Variants in PREP observed in about 807,000 individuals in gnomAD.
PREP encodes dJ355L5.1 (prolyl endopeptidase).
PREP carries 29 observed loss-of-function variants against 87.6 expected under a neutral mutation model. That is an observed-to-expected ratio of 0.33 (90% CI 0.25 to 0.45). The LOEUF (loss-of-function observed/expected upper bound fraction) is 0.45. Among genes scored for constraint, PREP ranks in the 20% least tolerant of loss-of-function variants. PREP has a pLI of 1.00. For synonymous variants in PREP, 337 were observed against 328.6 expected (o/e 1.03, Z -0.28); for missense variants, 695 against 886.5 (o/e 0.78, Z 2.74).
At chr6:105,318,459 C>T (rs532830824) in intron 10 of PREP, among the ~76,000 whole-genome samples, 2 of 152,274 alleles carry the variant, frequency 1.3e-5, no homozygotes, top group South Asian at 4.1e-4. Flanking sequence ...TAACTTACTT[C>T]TCTATTATAA....
In PREP at chr6:105,343,760, G is replaced by A. The variant is rs553686162; in HGVS notation, c.823+9212C>T. 2.4e-3 allele frequency among the ~76,000 whole-genome samples: 367 copies of A among 152,194 alleles called. 4 individuals carry two copies. The highest frequency in any genetic ancestry group is 8.2e-3 in the African/African-American group (340 of 41,512). On this transcript the variant is annotated intron_variant, in intron 7 of 14. Transcript: ENST00000652536. ...GAAGACATTTATGCAGCCAAAAGAC[G>A]CATGAAAAAATGCTCATCATCACTG...
rs1057292014 is a variant in PREP at position 105,276,217 on chromosome 6, A to T, written c.*1927T>A. 4.6e-5 allele frequency among the ~76,000 whole-genome samples: 7 copies of T among 152,230 alleles called. No homozygotes were observed. The highest frequency in any genetic ancestry group is 1.7e-4 in the African/African-American group (7 of 41,460). On this transcript the variant is annotated 3_prime_UTR_variant, in exon 15 of 15. Coordinates refer to ENST00000652536, the MANE Select transcript of PREP (RefSeq NM_002726.5). ...TCTAGACACAAAAATTAGGTTGGAA[A>T]AGAGAACTCGTAACTGGAGGCCAAT...
At position 105,333,144 on chromosome 6, in the gene PREP, A is replaced by T. The variant is rs371453940; in HGVS notation, c.1015+170T>A. Among the ~76,000 whole-genome samples, 19 of 152,358 alleles carry T rather than the reference A, an allele frequency of 1.2e-4. No homozygotes were observed. In the South Asian group the frequency reaches 3.9e-3, roughly 32 times the overall value. ...CATGATATAGTACTAAGCTACAAAG[A>T]TATCACACAATGAAAACTTGGATGA... On this transcript the variant is annotated intron_variant, in intron 8 of 14. Coordinates refer to ENST00000652536, the MANE Select transcript of PREP (RefSeq NM_002726.5).
chr6:105,304,242 G>T (rs1027988408), intron 10 of PREP, among the ~76,000 whole-genome samples: 1 of 152,216 alleles, frequency 6.6e-6, no homozygotes, highest in Non-Finnish European at 1.5e-5. Context: ...TCTAAAGTGT[G>T]TGGGAGGACA....
chr6:105,312,304 G>T (rs1770774670), intron 10 of PREP, among the ~76,000 whole-genome samples: 1 of 152,154 alleles, frequency 6.6e-6, no homozygotes, highest in African/African-American at 2.4e-5. Context: ...GAGGCTAGGA[G>T]GAAACAAAGA....
At chr6:105,288,456 T>G (rs1465578410) in intron 11 of PREP, among the ~76,000 whole-genome samples, 1 of 152,170 alleles carries the variant, frequency 6.6e-6, no homozygotes, top group African/African-American at 2.4e-5. Flanking sequence ...GTTCAAGTGA[T>G]TATTCTCCTG....
At chr6:105,285,631 C>A in intron 11 of PREP, 51 bp from the exon 12 acceptor site, 4 of 1,444,816 alleles carry the variant, frequency 2.8e-6, no homozygotes, top group Non-Finnish European at 3.9e-6. Context: ...TAGTGAAGAC[C>A]ATGCCCTCTC....
Position 105,310,868 on chromosome 6 carries a change from T to C in PREP, c.1317+12797A>G. Among the ~76,000 whole-genome samples, 2 of 152,238 alleles carry C rather than the reference T, an allele frequency of 1.3e-5. 1 individual carries two copies. The highest frequency in any genetic ancestry group is 2.9e-5 in the Non-Finnish European group (2 of 68,050). ...CTATTTGACACTGCCACTTGGATGA[T>C]ATTTAACATGTACCACAAACTTAAC... On this transcript the variant is annotated intron_variant, in intron 10 of 14. Transcript: ENST00000652536.
Position 105,273,719 on chromosome 6 carries a change from ATC to A in PREP, c.*4423_*4424del, listed in dbSNP as rs1344344182. 3 of 151,874 alleles carry A rather than the reference ATC, an allele frequency of 2.0e-5. No individual in the cohort carries two copies. Among genetic ancestry groups the A allele is most frequent in the African/African-American group, 7.3e-5 (3 of 41,278 alleles). The allele number at this position is 151,874 out of a possible 1,614,324, so 9.4% of individuals were successfully genotyped here. On this transcript the variant is annotated 3_prime_UTR_variant, in exon 15 of 15. Transcript: ENST00000652536. Reference sequence around the variant, plus strand: ...GTTTCCCACAGTGTTGTCGGCTTTCATCTCTCAGTGGCTTCACCTGACTGAGC... The same window carrying A: ...GTTTCCCACAGTGTTGTCGGCTTTCATCTCAGTGGCTTCACCTGACTGAGC...
intron 10 of PREP, among the ~76,000 whole-genome samples, chr6:105,309,302 A>G (rs1770711511): frequency 1.3e-5 from 2 of 152,172 alleles, no homozygotes. Flanking sequence ...GCCTGCTAAC[A>G]CTGACCCCAG....
chr6:105,301,809 C>A (rs147810176), intron 10 of PREP, among the ~76,000 whole-genome samples: 14 of 152,330 alleles, frequency 9.2e-5, no homozygotes, highest in African/African-American at 3.4e-4. Context: ...CTATACTGAT[C>A]ATCTCTGCAG....
chr6:105,309,733 TTCCC>T (rs1318699841), intron 10 of PREP, among the ~76,000 whole-genome samples: 1 of 152,180 alleles, frequency 6.6e-6, no homozygotes, highest in Non-Finnish European at 1.5e-5. Context: ...TGCACACTCA[TTCCC>T]TCCTGGCAGA....
chr6:105,365,842 T>G (rs931437030), intron 6 of PREP, among the ~76,000 whole-genome samples: 3 of 151,618 alleles, frequency 2.0e-5, no homozygotes, highest in African/African-American at 7.3e-5. Context: ...CCAATAAAGA[T>G]CAAATATAAA....
At chr6:105,303,886 C>A (rs1012789981) in intron 10 of PREP, among the ~76,000 whole-genome samples, 1 of 152,158 alleles carries the variant, frequency 6.6e-6, no homozygotes, top group East Asian at 1.9e-4. Flanking sequence ...ATATTTTTCA[C>A]AACAGAGTTT....
intron 2 of PREP, among the ~76,000 whole-genome samples, 174 bp from the exon 3 acceptor site, chr6:105,377,693 C>T (rs556942751): frequency 6.6e-4 from 101 of 152,326 alleles, no homozygotes; most frequent in African/African-American, 2.4e-3. Context: ...CCAGCTCCTG[C>T]CAAGTGACTG....
At chr6:105,340,530 C>T (rs187861906) in intron 7 of PREP, among the ~76,000 whole-genome samples, 89 of 152,180 alleles carry the variant, frequency 5.8e-4, no homozygotes, top group Admixed American at 9.2e-4. Flanking sequence ...AGGATCAAAT[C>T]CACACATAAC....
chr6:105,396,602 C>A (rs72939772), intron 2 of PREP, among the ~76,000 whole-genome samples: 13,420 of 151,974 alleles, frequency 0.088, 677 homozygotes, highest in Middle Eastern at 0.16. Context: ...CTGGTATATA[C>A]GGTGGAAAGG....
chr6:105,373,488 T>A lies in PREP; in HGVS notation c.476A>T (p.Asp159Val). 1.9e-6 allele frequency: 3 copies of A among 1,614,202 alleles called. No individual in the cohort carries two copies. Among genetic ancestry groups the A allele is most frequent in the Non-Finnish European group, 2.5e-6 (3 of 1,180,024 alleles). Residue 159 changes from aspartate (D) to valine (V), a missense_variant, in exon 5 of 15, where the codon GAT becomes GTT. Transcript: ENST00000652536. ...CACATCTGGAAGCTCTTTGGCACCA[T>A]CAACTTTCATGAACTTGATTGTCAC... ...DWVTIKFMKV[D>V]GAKELPDVLE...
At chr6:105,347,003 G>C (rs1319820107) in intron 7 of PREP, among the ~76,000 whole-genome samples, 1 of 152,032 alleles carries the variant, frequency 6.6e-6, no homozygotes, top group Non-Finnish European at 1.5e-5. Context: ...GAGAGGCTGA[G>C]GCAGGAGAAT....
Sources: gnomAD v4.1 joint callset for allele counts (sites outside exome capture counted in the v4.1 genomes callset) on GRCh38, gnomAD v4.1.1 for gene constraint, MANE v1.5 for transcripts, NCBI Gene and HGNC (gene_info 2026-07-23, HGNC 2026-07-21) for gene names.